MAGI1: variants seen among roughly 807,000 people sequenced by gnomAD.
MAGI1 encodes membrane-associated guanylate kinase, WW and PDZ domain-containing protein 1.
MAGI1 carries 58 observed loss-of-function variants against 139.9 expected under a neutral mutation model. The ratio of observed to expected loss-of-function variants is 0.41; its 90% CI spans 0.34 to 0.52. MAGI1 has a LOEUF of 0.52. MAGI1 is among the 20% of genes least tolerant of loss of function. MAGI1 has a pLI of 0.12. For missense variants in MAGI1, 1,874 were observed against 1,901.6 expected (o/e 0.99, Z 0.27); for synonymous variants, 812 against 737.9 (o/e 1.10, Z -1.63).
chr3:65,403,816 T>G (rs1945106369), intron 12 of MAGI1, among the ~76,000 whole-genome samples: 1 of 152,228 alleles, frequency 6.6e-6, no homozygotes, highest in African/African-American at 2.4e-5. Context: ...TCTCTAGCAA[T>G]GCACATTCAA....
At chr3:65,900,684 G>A (rs1425578091) in intron 1 of MAGI1, among the ~76,000 whole-genome samples, 3 of 152,172 alleles carry the variant, frequency 2.0e-5, no homozygotes, top group Non-Finnish European at 4.4e-5. Context: ...TGAATACCCT[G>A]TCTCCCCAGT....
chr3:65,756,328 G>A (rs577509183), intron 1 of MAGI1, among the ~76,000 whole-genome samples: 1 of 152,162 alleles, frequency 6.6e-6, no homozygotes, highest in East Asian at 1.9e-4. Flanking sequence ...CGGTGTGGAT[G>A]AGAACAATGT....
At chr3:65,690,553 T>G (rs1362176258) in intron 1 of MAGI1, among the ~76,000 whole-genome samples, 1 of 152,100 alleles carries the variant, frequency 6.6e-6, no homozygotes, top group Non-Finnish European at 1.5e-5. Context: ...CTCGATTCAC[T>G]ACAACCTCCA....
intron 12 of MAGI1, among the ~76,000 whole-genome samples, chr3:65,428,303 G>T (rs1356418410): frequency 6.6e-6 from 1 of 152,190 alleles, no homozygotes; most frequent in Non-Finnish European, 1.5e-5. Context: ...GGCCCACTGT[G>T]TAAAACTATC....
At chr3:65,992,348 C>A (rs1369167621) in intron 1 of MAGI1, among the ~76,000 whole-genome samples, 1 of 152,226 alleles carries the variant, frequency 6.6e-6, no homozygotes, top group African/African-American at 2.4e-5. Flanking sequence ...TTATTTAGTA[C>A]AAGTATTTCC....
intron 1 of MAGI1, among the ~76,000 whole-genome samples, chr3:65,696,172 A>AT (rs1487054167): frequency 6.6e-6 from 1 of 152,018 alleles, no homozygotes; most frequent in East Asian, 1.9e-4. Flanking sequence ...CATCAGAAAC[A>AT]TCCCCCTTCC....
chr3:65,910,082 G>A (rs1013819418), intron 1 of MAGI1, among the ~76,000 whole-genome samples: 1 of 152,196 alleles, frequency 6.6e-6, no homozygotes, highest in Non-Finnish European at 1.5e-5. Context: ...ACCTTCTGCT[G>A]TTCGGCTCAG....
At chr3:65,984,139 C>T (rs931154822) in intron 1 of MAGI1, among the ~76,000 whole-genome samples, 1 of 152,042 alleles carries the variant, frequency 6.6e-6, no homozygotes, top group African/African-American at 2.4e-5. Flanking sequence ...ACTAAAAATA[C>T]AAAAATTAGC....
chr3:65,842,017 T>A (rs1426935472), intron 1 of MAGI1, among the ~76,000 whole-genome samples: 1 of 152,160 alleles, frequency 6.6e-6, no homozygotes, highest in African/African-American at 2.4e-5. Context: ...AATAAGTAAA[T>A]AAATATCAGT....
intron 2 of MAGI1, among the ~76,000 whole-genome samples, chr3:65,530,190 A>G (rs2078577868): frequency 1.3e-5 from 2 of 152,176 alleles, no homozygotes; most frequent in Admixed American, 1.3e-4. Flanking sequence ...GGTGATCCCT[A>G]GTGTTCAGAG....
intron 1 of MAGI1, among the ~76,000 whole-genome samples, chr3:65,979,648 A>G (rs2065462927): frequency 6.6e-6 from 1 of 152,180 alleles, no homozygotes; most frequent in Non-Finnish European, 1.5e-5. Context: ...AATGCAGGTC[A>G]GGATCAGAAA....
intron 1 of MAGI1, among the ~76,000 whole-genome samples, chr3:65,934,555 G>A (rs1009431758): frequency 3.3e-5 from 5 of 152,152 alleles, no homozygotes; most frequent in Non-Finnish European, 7.3e-5. Flanking sequence ...GTTAGCAAGT[G>A]ATTTAACAGG....
At chr3:65,519,026 G>C (rs1476201568) in intron 2 of MAGI1, among the ~76,000 whole-genome samples, 3 of 152,060 alleles carry the variant, frequency 2.0e-5, no homozygotes, top group African/African-American at 7.2e-5. Flanking sequence ...AGGAGCCATG[G>C]GCCAGGCCTG....
chr3:65,437,059 A>C (rs1947906621), intron 10 of MAGI1, 96 bp downstream of exon 10: 1 of 686,368 alleles, frequency 1.5e-6, no homozygotes, highest in Admixed American at 2.5e-5. Context: ...CAAAGGAATG[A>C]CTTGGGAGTT....
At position 65,740,736 on chromosome 3, in the gene MAGI1, C is replaced by T. The variant is rs903770231; in HGVS notation, c.314-118648G>A. On this transcript the variant is annotated intron_variant, in intron 1 of 22. Transcript: ENST00000402939. ...AACCTCTATCTCTATAAAACCACTG[C>T]TTTCAGCCACTAAGGTCAGGTCGTG... is the stretch of plus-strand genomic sequence containing the variant. 2.6e-5 allele frequency among the ~76,000 whole-genome samples: 4 copies of T among 152,326 alleles called. No individual in the cohort carries two copies. The East Asian group carries it at 7.7e-4, about 29-fold the overall frequency.
At chr3:66,030,382 C>A (rs930839984) in intron 1 of MAGI1, among the ~76,000 whole-genome samples, 1 of 151,998 alleles carries the variant, frequency 6.6e-6, no homozygotes, top group Non-Finnish European at 1.5e-5. Context: ...TAACAAATAC[C>A]CAAGCAAGTA....
At position 65,412,778 on chromosome 3, in the gene MAGI1, T is replaced by A. The variant is rs76940421; in HGVS notation, c.2168-11308A>T. Among the ~76,000 whole-genome samples, 1,437 of 152,220 alleles carry A rather than the reference T, an allele frequency of 9.4e-3. 34 individuals are homozygous for A. The highest frequency in any genetic ancestry group is 0.034 in the African/African-American group (1,392 of 41,542). ...TTATTGGTGAGCTGCCAGGTTCGGCTCAACTCACAACTGCCTCACTCAGCA... is the reference window on the plus strand; with the variant it reads ...TTATTGGTGAGCTGCCAGGTTCGGCACAACTCACAACTGCCTCACTCAGCA... On this transcript the variant is annotated intron_variant, in intron 12 of 22. Transcript: ENST00000402939.
intron 1 of MAGI1, among the ~76,000 whole-genome samples, chr3:65,896,290 G>T (rs1443415896): frequency 1.4e-5 from 2 of 147,642 alleles, no homozygotes; most frequent in Non-Finnish European, 3.0e-5. Flanking sequence ...ACTAACAGCA[G>T]TAATCACGAC....
At chr3:65,687,664 C>A in intron 1 of MAGI1, 1 of 491,826 alleles carries the variant, frequency 2.0e-6, no homozygotes, top group South Asian at 1.6e-5. Context: ...AGCTGCCCCG[C>A]TGGTAATACA....
Sources: gnomAD v4.1 joint callset for allele counts (sites outside exome capture counted in the v4.1 genomes callset) on GRCh38, gnomAD v4.1.1 for gene constraint, MANE v1.5 for transcripts, NCBI Gene and HGNC (gene_info 2026-07-23, HGNC 2026-07-21) for gene names.